LRFN1: variants seen among roughly 807,000 people sequenced by gnomAD.
The protein encoded by LRFN1 is leucine rich repeat and fibronectin type III domain containing 1, also known as leucine-rich repeat and fibronectin type III domain-containing protein 1.
A neutral mutation model predicts 31.8 loss-of-function variants in LRFN1; 20 were observed. The observed-to-expected ratio is 0.63, with a 90% CI of 0.44 to 0.91. The LOEUF (loss-of-function observed/expected upper bound fraction) is 0.91, where lower values mean the gene tolerates loss of function less well. Ranked by LOEUF, LRFN1 falls within the 40% of genes least tolerant of loss-of-function variation. The pLI is 0.00. For missense variants in LRFN1, 912 were observed against 1,129.8 expected, an observed-to-expected ratio of 0.81 and a Z score of 2.76; for synonymous variants, 514 against 541.3, an observed-to-expected ratio of 0.95 and a Z score of 0.70.
intron 1 of LRFN1, among the ~76,000 whole-genome samples, chr19:39,319,433 TCACACACACACA>T: frequency 6.7e-6 from 1 of 149,362 alleles, no homozygotes; most frequent in Admixed American, 6.7e-5. Flanking sequence ...GATACATACC[TCACACACACACA>T]CACACACACA....
rs775348540 is a variant in LRFN1, at chr19:39,314,797, C to T, written c.540G>A (p.Glu180=). The T allele has an allele frequency of 5.0e-5, 81 of 1,613,108 alleles. No individual in the cohort carries two copies. Among genetic ancestry groups the T allele is most frequent in the Non-Finnish European group, 1.4e-5 (17 of 1,179,574 alleles). The change falls in exon 4 of 5, where the codon GAG becomes GAA. Residue 180 remains glutamate, a synonymous_variant. Transcript: ENST00000248668. The stretch of plus-strand genomic sequence containing the variant: ...TTAGGTTCACCATCTGGCCCACCGC[C>T]TCCCACGGCAGGGCCTCCAGGTTGT... ...SYNNLEALPW[E]AVGQMVNLNT...
At chr19:39,309,144 G>A (rs933840605) in intron 4 of LRFN1, among the ~76,000 whole-genome samples, 5 of 152,170 alleles carry the variant, frequency 3.3e-5, no homozygotes, top group African/African-American at 9.7e-5. Flanking sequence ...TTATCTGCAT[G>A]CAGCACCTTT....
At position 39,315,014 on chromosome 19, in the gene LRFN1, G is replaced by A; in HGVS notation, c.323C>T (p.Ala108Val). 6.3e-7 allele frequency: 1 copy of A among 1,593,396 alleles called. No individual in the cohort carries two copies. Among genetic ancestry groups the A allele is most frequent in the Non-Finnish European group, 8.5e-7 (1 of 1,176,966 alleles). Reference sequence around the variant, plus strand: ...CCGGAGGGCACGCAGGTCGGCGAAGGCGCCAGCTGCCACCTGGCCGATGGT... The same window carrying A: ...CCGGAGGGCACGCAGGTCGGCGAAGACGCCAGCTGCCACCTGGCCGATGGT... ...RNTIGQVAAG[A>V]FADLRALRAL... The change falls in exon 4 of 5, where the codon GCC (alanine) becomes GTC (valine). Residue 108 changes from alanine to valine, a missense_variant. By Grantham distance (64) the Ala-to-Val change is moderately conservative. This residue lies in a region of LRFN1 where 401 missense variants were observed against 572.7 expected (regional missense o/e 0.70). Transcript: ENST00000248668. This position sits in a 1 kb window ranked among gnomAD's most constrained non-coding sequence, Gnocchi z 4.7.
intron 2 of LRFN1, among the ~76,000 whole-genome samples, chr19:39,316,780 G>C (rs1236328298): frequency 3.3e-5 from 5 of 152,292 alleles, no homozygotes; most frequent in African/African-American, 9.6e-5. Flanking sequence ...GATTCCCCCT[G>C]CGGCGGCTGC....
At chr19:39,313,563 ATG>A (rs753643500) in intron 4 of LRFN1, among the ~76,000 whole-genome samples, 10 of 152,058 alleles carry the variant, frequency 6.6e-5, no homozygotes, top group African/African-American at 9.7e-5. Flanking sequence ...GTCACTGTAA[ATG>A]TGTGTGTGTG....
chr19:39,309,232 G>C (rs973872576), intron 4 of LRFN1, among the ~76,000 whole-genome samples: 3 of 152,100 alleles, frequency 2.0e-5, no homozygotes, highest in Admixed American at 6.5e-5. Flanking sequence ...AAGAAGGGTG[G>C]ATCACCTGAG....
chr19:39,314,082 C>T lies in LRFN1; in HGVS notation c.1255G>A (p.Ala419Thr). The change falls in exon 4 of 5, where the codon GCC becomes ACC. Residue 419 changes from alanine to threonine, a missense_variant. Ala to Thr is a moderately conservative substitution (Grantham distance 58, BLOSUM62 0). Transcript: ENST00000248668. ...SDIATPGRPGANDSAAERRLV... is the reference protein window; with the variant it reads ...SDIATPGRPGTNDSAAERRLV... The stretch of plus-strand genomic sequence containing the variant: ...CGACGCTCAGCCGCAGAATCGTTGG[C>T]ACCTGGTCTGCCCGGCGTGGCGATG... The T allele has an allele frequency of 2.5e-6, 4 of 1,612,660 alleles. No homozygotes were observed. Among genetic ancestry groups the T allele is most frequent in the Non-Finnish European group, 3.4e-6 (4 of 1,179,660 alleles).
At chr19:39,312,220 C>T (rs1281580978) in intron 4 of LRFN1, among the ~76,000 whole-genome samples, 1 of 151,816 alleles carries the variant, frequency 6.6e-6, no homozygotes, top group Non-Finnish European at 1.5e-5. Context: ...CTACTATGTG[C>T]CACACCTATG....
rs1366346381 is a variant in LRFN1 at position 39,307,421 on chromosome 19, G to A, written c.*212C>T. 3 of 463,388 alleles carry A rather than the reference G, an allele frequency of 6.5e-6. No individual in the cohort carries two copies. The highest frequency in any genetic ancestry group is 2.0e-5 in the African/African-American group (1 of 49,306). 28.7% of individuals were successfully genotyped at this position (463,388 alleles called of 1,614,324 possible). On this transcript the variant is annotated 3_prime_UTR_variant, in exon 5 of 5. Coordinates refer to ENST00000248668, the MANE Select transcript of LRFN1 (RefSeq NM_020862.2). This position sits in a 1 kb window ranked among gnomAD's most constrained non-coding sequence, Gnocchi z 6.7. ...GTCGAGGAGTCCATAGGGGAAGGGA[G>A]GCCGGCAGCCGGTCCCCGAACCCCG...
Position 39,315,438 on chromosome 19 carries a change from G to T in LRFN1, c.-37-65C>A. The T allele has an allele frequency of 1.8e-6, 2 of 1,116,116 alleles. No individual in the cohort carries two copies. Among genetic ancestry groups the T allele is most frequent in the Non-Finnish European group, 2.5e-6 (2 of 810,950 alleles). The allele number at this position is 1,116,116 out of a possible 1,614,324, so 69.1% of individuals were successfully genotyped here. A position where few individuals can be genotyped will look rare whatever the true frequency, so the allele number is the denominator to read the frequency against. ...GCCGCCATGGGATGTCCTGCTACGA[G>T]TCAGGCCTGGATCCCTCCCCTACCG... On this transcript the variant is annotated intron_variant, in intron 3 of 4. Transcript: ENST00000248668. The surrounding 1 kb of genome is among the most constrained non-coding windows in gnomAD (Gnocchi z 4.7).
At chr19:39,309,802 C>T (rs566278120) in intron 4 of LRFN1, among the ~76,000 whole-genome samples, 3 of 152,318 alleles carry the variant, frequency 2.0e-5, no homozygotes, top group African/African-American at 7.2e-5. Context: ...GCCAAGCACA[C>T]ACCATATTCC....
chr19:39,315,486 T>C lies in LRFN1; in HGVS notation c.-37-113A>G, dbSNP rs1226014949. 7 of 664,136 alleles carry C rather than the reference T, an allele frequency of 1.1e-5. No homozygotes were observed. In the East Asian group the frequency reaches 1.1e-4, roughly 11 times the overall value. 41.1% of individuals were successfully genotyped at this position (664,136 alleles called of 1,614,324 possible). Reference sequence around the variant, plus strand: ...CCGCCTACAGCTGGGTTCCATAGGATGGTGAGAGGAAGCCACTATCAGCTA... The same window carrying C: ...CCGCCTACAGCTGGGTTCCATAGGACGGTGAGAGGAAGCCACTATCAGCTA... On this transcript the variant is annotated intron_variant, in intron 3 of 4. Coordinates refer to ENST00000248668, the MANE Select transcript of LRFN1 (RefSeq NM_020862.2). The surrounding 1 kb of genome is among the most constrained non-coding windows in gnomAD (Gnocchi z 4.7).
In LRFN1 at chr19:39,308,124, G is replaced by A; in HGVS notation, c.1825C>T (p.Arg609Cys). The A allele has an allele frequency of 6.6e-7, 1 of 1,511,224 alleles. No individual in the cohort carries two copies. The highest frequency in any genetic ancestry group is 8.8e-7 in the Non-Finnish European group (1 of 1,133,632). 93.6% of individuals were successfully genotyped at this position (1,511,224 alleles called of 1,614,324 possible). Residue 609 changes from arginine to cysteine, a missense_variant, in exon 5 of 5, where the codon CGC becomes TGC. Arg to Cys is a radical substitution (Grantham distance 180). This residue lies in a region of LRFN1 where 511 missense variants were observed against 557.0 expected (regional missense o/e 0.92). Transcript: ENST00000248668. This position sits in a 1 kb window ranked among gnomAD's most constrained non-coding sequence, Gnocchi z 6.2. Reference sequence around the variant, plus strand: ...GGGGCAGCCTGGGACTCCACCTCGCGCAGCGCCTCGTAGTGGTCCTGGGCC... The same window carrying A: ...GGGGCAGCCTGGGACTCCACCTCGCACAGCGCCTCGTAGTGGTCCTGGGCC... Reference protein sequence around the residue: ...LPAQDHYEALREVESQAAPAV... With the variant: ...LPAQDHYEALCEVESQAAPAV...
chr19:39,315,033 C>T lies in LRFN1; in HGVS notation c.304G>A (p.Gly102Ser), dbSNP rs768434296. ...VHLTLSRNTI[G>S]QVAAGAFADL... The stretch of plus-strand genomic sequence containing the variant: ...GCGAAGGCGCCAGCTGCCACCTGGC[C>T]GATGGTGTTCCGGGAGAGAGTGAGG... The change falls in exon 4 of 5, where the codon GGC becomes AGC. Residue 102 changes from glycine to serine, a missense_variant. Gly to Ser is a moderately conservative substitution (Grantham distance 56, BLOSUM62 0). Around this residue, in one of 2 missense-constraint regions of LRFN1, gnomAD observed 401 missense variants for 572.7 expected, o/e 0.70. Coordinates refer to ENST00000248668, the MANE Select transcript of LRFN1 (RefSeq NM_020862.2). The surrounding 1 kb of genome is among the most constrained non-coding windows in gnomAD (Gnocchi z 4.7). The T allele has an allele frequency of 6.9e-6, 11 of 1,594,712 alleles. No individual in the cohort carries two copies. The highest frequency in any genetic ancestry group is 9.3e-6 in the Non-Finnish European group (11 of 1,177,836).
At chr19:39,309,777 A>C (rs796878922) in intron 4 of LRFN1, among the ~76,000 whole-genome samples, 8 of 152,288 alleles carry the variant, frequency 5.3e-5, no homozygotes, top group African/African-American at 1.9e-4. Flanking sequence ...TTCTTCCGTA[A>C]AGGGGTCAAA....
In LRFN1 at chr19:39,315,044, C is replaced by T. The variant is rs1202051401; in HGVS notation, c.293G>A (p.Arg98Gln). 6.3e-7 allele frequency: 1 copy of T among 1,595,216 alleles called. No homozygotes were observed. Among genetic ancestry groups the T allele is most frequent in the Admixed American group, 1.7e-5 (1 of 59,414 alleles). Residue 98 changes from arginine (R) to glutamine (Q), a missense_variant, in exon 4 of 5, where the codon CGG becomes CAG. By Grantham distance (43) the Arg-to-Gln change is conservative. Transcript: ENST00000248668. This position sits in a 1 kb window ranked among gnomAD's most constrained non-coding sequence, Gnocchi z 4.7. The stretch of plus-strand genomic sequence containing the variant: ...AGCTGCCACCTGGCCGATGGTGTTC[C>T]GGGAGAGAGTGAGGTGCACCAGGCT... ...MTSLVHLTLS[R>Q]NTIGQVAAGA...
rs2145037789 is a variant in LRFN1 at position 39,315,988 on chromosome 19, C to T, written c.-38+94G>A. 1 of 152,306 alleles carries T rather than the reference C, an allele frequency of 6.6e-6. No individual in the cohort carries two copies. Among genetic ancestry groups the T allele is most frequent in the African/African-American group, 2.4e-5 (1 of 41,544 alleles). The allele number at this position is 152,306 out of a possible 1,614,324, so 9.4% of individuals were successfully genotyped here. A position where few individuals can be genotyped will look rare whatever the true frequency, so the allele number is the denominator to read the frequency against. On this transcript the variant is annotated intron_variant, in intron 3 of 4. Coordinates refer to ENST00000248668, the MANE Select transcript of LRFN1 (RefSeq NM_020862.2). This position sits in a 1 kb window ranked among gnomAD's most constrained non-coding sequence, Gnocchi z 4.7. ...CCCAACCTGGGCCCTCCAGTACCCA[C>T]TAAATTGTCTAAAAAATCACTGTTA...
Position 39,307,558 on chromosome 19 carries a change from C to A in LRFN1, c.*75G>T. ...CAATGTCTTGGCGCTGCGCTTTCTCCCAGTCCCGCCCCAGCGTCCGTGCGG... is the reference window on the plus strand; with the variant it reads ...CAATGTCTTGGCGCTGCGCTTTCTCACAGTCCCGCCCCAGCGTCCGTGCGG... On this transcript the variant is annotated 3_prime_UTR_variant, in exon 5 of 5. Coordinates refer to ENST00000248668, the MANE Select transcript of LRFN1 (RefSeq NM_020862.2). The surrounding 1 kb of genome is among the most constrained non-coding windows in gnomAD (Gnocchi z 6.7). 7.5e-7 allele frequency: 1 copy of A among 1,329,164 alleles called. No homozygotes were observed. The highest frequency in any genetic ancestry group is 9.6e-7 in the Non-Finnish European group (1 of 1,039,866). The allele number at this position is 1,329,164 out of a possible 1,614,324, so 82.3% of individuals were successfully genotyped here.
At chr19:39,310,502 C>T (rs2075146868) in intron 4 of LRFN1, among the ~76,000 whole-genome samples, 1 of 152,236 alleles carries the variant, frequency 6.6e-6, no homozygotes. Context: ...GAGGGCCATT[C>T]CTGCTAGGCC....
Sources: allele counts gnomAD v4.1 joint callset (sites outside exome capture counted in the v4.1 genomes callset), GRCh38; gene constraint gnomAD v4.1.1; regional missense constraint gnomAD v4.1.1; non-coding constraint Gnocchi (gnomAD v3.1); transcripts MANE v1.5; gene names NCBI Gene and HGNC (gene_info 2026-07-23, HGNC 2026-07-21).